Variants in MYO7B observed in about 807,000 individuals in gnomAD.
MYO7B encodes the protein unconventional myosin-VIIb.
Under a neutral mutation model 259.7 loss-of-function variants are expected in MYO7B, and 212 were observed. The ratio of observed to expected loss-of-function variants is 0.82; its 90% confidence interval spans 0.73 to 0.91. The LOEUF (loss-of-function observed/expected upper bound fraction) is 0.91. Among genes scored for constraint, MYO7B ranks in the 40% least tolerant of loss-of-function variants. MYO7B has a pLI of 0.00. For synonymous variants in MYO7B, 1,197 were observed against 1,166.4 expected (o/e 1.03, Z -0.54); for missense variants, 2,732 against 2,813.5 (o/e 0.97, Z 0.66).
rs567823152 is a variant in MYO7B, at chr2:127,584,950, T to C, written c.1690+37T>C. The stretch of plus-strand genomic sequence containing the variant: ...TCTCCTCTCATGTCCCTTCCAAATC[T>C]GGACCGGGTTCCAGGGAGACCGTGG... On this transcript the variant is annotated intron_variant, in intron 14 of 47. Coordinates refer to ENST00000409816, the MANE Select transcript of MYO7B (RefSeq NM_001393586.1). This position sits in a 1 kb window ranked among gnomAD's most constrained non-coding sequence, Gnocchi z 5.8. The C allele has an allele frequency of 6.2e-7, 1 of 1,610,462 alleles. No individual in the cohort carries two copies. Among genetic ancestry groups the C allele is most frequent in the African/African-American group, 1.3e-5 (1 of 74,978 alleles).
intron 19 of MYO7B, among the ~76,000 whole-genome samples, chr2:127,601,489 G>A (rs1398434214): frequency 6.6e-6 from 1 of 151,780 alleles, no homozygotes; most frequent in Non-Finnish European, 1.5e-5. Flanking sequence ...CAGCTCTGTT[G>A]TTTGGTGAAC....
chr2:127,607,259 G>A lies in MYO7B; in HGVS notation c.2478G>A (p.Ala826=), dbSNP rs562526143. The A allele has an allele frequency of 2.2e-4, 335 of 1,551,068 alleles. 2 individuals carry two copies. In the South Asian group the frequency reaches 3.3e-3, roughly 15 times the overall value. ...LQAIARSQPL[A]RQYQAMRQRT... is the part of the protein sequence containing the mutation. ...CTATTGCCCGGAGCCAGCCGCTGGCGAGGCAGTACCAGGCCATGCGGCAGA... is the reference window on the plus strand; with the variant it reads ...CTATTGCCCGGAGCCAGCCGCTGGCAAGGCAGTACCAGGCCATGCGGCAGA... Residue 826 remains alanine (A), a synonymous_variant, in exon 21 of 48, where the codon GCG becomes GCA. Transcript: ENST00000409816. The surrounding 1 kb of genome is among the most constrained non-coding windows in gnomAD (Gnocchi z 4.4).
At chr2:127,601,865 A>G (rs1231468971) in intron 19 of MYO7B, among the ~76,000 whole-genome samples, 1 of 152,100 alleles carries the variant, frequency 6.6e-6, no homozygotes, top group Admixed American at 6.6e-5. Flanking sequence ...TGTTCCCTTC[A>G]ATGTGGTTTC....
intron 2 of MYO7B, among the ~76,000 whole-genome samples, chr2:127,563,482 C>T (rs1678188608): frequency 6.6e-6 from 1 of 152,146 alleles, no homozygotes; most frequent in African/African-American, 2.4e-5. Context: ...TTCTCTTTTC[C>T]CACCCCACAG....
At position 127,614,825 on chromosome 2, in the gene MYO7B, A is replaced by G. The variant is rs114800570; in HGVS notation, c.3398+2222A>G. ...AGGCTGGAGGTGGCTTGGTGGCTGC[A>G]CTAGTTCTGCCACCTTTTAGTAAAT... is the stretch of plus-strand genomic sequence containing the variant. On this transcript the variant is annotated intron_variant, in intron 26 of 47. Coordinates refer to ENST00000409816, the MANE Select transcript of MYO7B (RefSeq NM_001393586.1). This position sits in a 1 kb window ranked among gnomAD's most constrained non-coding sequence, Gnocchi z 4.6. Among the ~76,000 whole-genome samples the G allele has an allele frequency of 0.063, 9,604 of 152,214 alleles. 569 individuals carry two copies. Among genetic ancestry groups the G allele is most frequent in the African/African-American group, 0.16 (6,591 of 41,514 alleles).
Position 127,636,510 on chromosome 2 carries a change from G to A in MYO7B, c.6124-35G>A, listed in dbSNP as rs754432491. On this transcript the variant is annotated intron_variant, in intron 45 of 47. Coordinates refer to ENST00000409816, the MANE Select transcript of MYO7B (RefSeq NM_001393586.1). This position sits in a 1 kb window ranked among gnomAD's most constrained non-coding sequence, Gnocchi z 4.5. ...CTGGGAGGTGCAGCCTGGCCTCCCG[G>A]GCTGGACTATGACCGCCGTGTCCCT... 1.3e-6 allele frequency: 2 copies of A among 1,588,300 alleles called. No homozygotes were observed.
At chr2:127,622,446 G>T (rs1680887264) in intron 28 of MYO7B, among the ~76,000 whole-genome samples, 1 of 152,210 alleles carries the variant, frequency 6.6e-6, no homozygotes, top group South Asian at 2.1e-4. Context: ...CACCATGGTT[G>T]GCATCCTTGG....
chr2:127,614,351 AT>A lies in MYO7B; in HGVS notation c.3398+1749del, dbSNP rs1179062089. On this transcript the variant is annotated intron_variant, in intron 26 of 47. Transcript: ENST00000409816. The surrounding 1 kb of genome is among the most constrained non-coding windows in gnomAD (Gnocchi z 4.6). Reference sequence around the variant, plus strand: ...CCTGCTTGTGTGGGATCCCATCTAGATGCCTGAAGCTCAGCTCCTTCCACGA... The same window carrying A: ...CCTGCTTGTGTGGGATCCCATCTAGAGCCTGAAGCTCAGCTCCTTCCACGA... Among the ~76,000 whole-genome samples, 1 of 152,022 alleles carries A rather than the reference AT, an allele frequency of 6.6e-6. No homozygotes were observed. The highest frequency in any genetic ancestry group is 1.5e-5 in the Non-Finnish European group (1 of 68,010).
Position 127,612,283 on chromosome 2 carries a change from A to G in MYO7B, c.3226A>G (p.Ile1076Val), listed in dbSNP as rs1479063801. The G allele has an allele frequency of 2.7e-6, 2 of 736,586 alleles. No homozygotes were observed. The highest frequency in any genetic ancestry group is 5.8e-5 in the East Asian group (2 of 34,548). The allele number at this position is 736,586 out of a possible 1,614,324, so 45.6% of individuals were successfully genotyped here. Residue 1076 changes from isoleucine to valine, a missense_variant, in exon 25 of 48, where the codon ATC becomes GTC. This residue lies in a region of MYO7B where 1,906 missense variants were observed against 2,026.4 expected (regional missense o/e 0.94). Coordinates refer to ENST00000409816, the MANE Select transcript of MYO7B (RefSeq NM_001393586.1). The part of the protein sequence containing the change: ...SGCKDKGTKD[I>V]SSMKLKRSSR... Reference sequence around the variant, plus strand: ...CTGCAAGGACAAGGGGACCAAGGATATCTCCTCCATGAAGCTGAAGCGGTC... The same window carrying G: ...CTGCAAGGACAAGGGGACCAAGGATGTCTCCTCCATGAAGCTGAAGCGGTC...
At chr2:127,591,166 G>A (rs1679543207) in intron 16 of MYO7B, among the ~76,000 whole-genome samples, 2 of 152,208 alleles carry the variant, frequency 1.3e-5, no homozygotes, top group Non-Finnish European at 2.9e-5. Flanking sequence ...TTCAGCCTGG[G>A]TGACAGAGCA....
chr2:127,579,647 G>A (rs1292194816), intron 9 of MYO7B, among the ~76,000 whole-genome samples: 1 of 152,120 alleles, frequency 6.6e-6, no homozygotes, highest in Non-Finnish European at 1.5e-5. Context: ...GTGCAGTGGT[G>A]GGATCTCGAC....
intron 38 of MYO7B, 59 bp downstream of exon 38, chr2:127,631,812 A>G: frequency 6.3e-7 from 1 of 1,575,038 alleles, no homozygotes; most frequent in African/African-American, 1.3e-5. Flanking sequence ...CCGGCCCCTG[A>G]GGCCAGACCG....
chr2:127,593,954 C>G (rs2104982105), intron 18 of MYO7B, among the ~76,000 whole-genome samples: 1 of 152,342 alleles, frequency 6.6e-6, no homozygotes, highest in African/African-American at 2.4e-5. Flanking sequence ...GGGCAGCACC[C>G]AGGAGCTCAG....
intron 4 of MYO7B, among the ~76,000 whole-genome samples, 169 bp downstream of exon 4, chr2:127,565,554 G>A (rs1218800435): frequency 1.3e-5 from 2 of 152,356 alleles, no homozygotes; most frequent in East Asian, 3.9e-4. Flanking sequence ...CCCAAACAAG[G>A]AGGGTGATCC....
chr2:127,569,322 G>C (rs1678488648), intron 5 of MYO7B, among the ~76,000 whole-genome samples: 1 of 152,190 alleles, frequency 6.6e-6, no homozygotes, highest in African/African-American at 2.4e-5. Context: ...TGGATAATGG[G>C]ACTGTGGGAG....
chr2:127,558,666 C>A lies in MYO7B; in HGVS notation c.-23-1034C>A, dbSNP rs561677928. On this transcript the variant is annotated intron_variant, in intron 1 of 47. Coordinates refer to ENST00000409816, the MANE Select transcript of MYO7B (RefSeq NM_001393586.1). ...TGTATCATATATATAGAGATATAGA[C>A]GTATATATATGATATACATATGTAT... 6.4e-4 allele frequency among the ~76,000 whole-genome samples: 98 copies of A among 152,078 alleles called. 1 individual carries two copies. The highest frequency in any genetic ancestry group is 1.9e-4 in the Non-Finnish European group (13 of 68,008).
chr2:127,548,413 A>ATT (rs1693318568), intron 1 of MYO7B, among the ~76,000 whole-genome samples: 1 of 133,810 alleles, frequency 7.5e-6, no homozygotes, highest in Non-Finnish European at 1.6e-5. Flanking sequence ...TTGATTTTAG[A>ATT]TTTTTCTTTT....
chr2:127,546,332 G>T lies in MYO7B; in HGVS notation c.-24+10501G>T, dbSNP rs1231312717. ...GCTCAAATGAGAGAACCTGTGGAAA[G>T]TGCCCTGCACACAACCTGGCACTCA... On this transcript the variant is annotated intron_variant, in intron 1 of 47. Transcript: ENST00000409816. The surrounding 1 kb of genome is among the most constrained non-coding windows in gnomAD (Gnocchi z 4.2). Among the ~76,000 whole-genome samples the T allele has an allele frequency of 6.6e-6, 1 of 152,190 alleles. No homozygotes were observed.
At chr2:127,632,156 A>T in intron 38 of MYO7B, 90 bp from the exon 39 acceptor site, 1 of 1,444,460 alleles carries the variant, frequency 6.9e-7, no homozygotes, top group Non-Finnish European at 9.3e-7. Flanking sequence ...GACCCCAGGC[A>T]GCTCTCACAT....
Sources: allele counts gnomAD v4.1 joint callset (sites outside exome capture counted in the v4.1 genomes callset), GRCh38; gene constraint gnomAD v4.1.1; regional missense constraint gnomAD v4.1.1; non-coding constraint Gnocchi (gnomAD v3.1); transcripts MANE v1.5; gene names NCBI Gene and HGNC (gene_info 2026-07-23, HGNC 2026-07-21).